EGLN1: variants seen among roughly 807,000 people sequenced by gnomAD.
EGLN1 encodes the protein egl-9 family hypoxia inducible factor 1.
Under a neutral mutation model 38.3 loss-of-function variants are expected in EGLN1, and 17 were observed. The observed-to-expected ratio is 0.44, with a 90% CI of 0.30 to 0.67. The LOEUF is 0.67. Ranked by LOEUF, EGLN1 falls within the 30% of genes least tolerant of loss-of-function variation. EGLN1 has a pLI of 0.08. For missense variants in EGLN1, 477 were observed against 603.3 expected (o/e 0.79, Z 2.19); for synonymous variants, 283 against 257.5 (o/e 1.10, Z -0.95).
chr1:231,374,410 CA>C (rs1687904827), intron 1 of EGLN1, among the ~76,000 whole-genome samples: 3 of 152,162 alleles, frequency 2.0e-5, no homozygotes, highest in Non-Finnish European at 4.4e-5. Flanking sequence ...TGTCCTGCTC[CA>C]TGGGAGATTT....
rs776556262 is a variant in EGLN1, at chr1:231,421,082, A to G, written c.807T>C (p.Ile269=). The change falls in exon 1 of 5, where the codon ATT becomes ATC. Residue 269 remains isoleucine (I), a synonymous_variant. Coordinates refer to ENST00000366641, the MANE Select transcript of EGLN1 (RefSeq NM_022051.3). The surrounding 1 kb of genome is among the most constrained non-coding windows in gnomAD (Gnocchi z 5.5). ...IEGKEPGCET[I]GLLMSSMDDL... is the part of the protein sequence containing the mutation. ...CGTCCATGCTGCTCATGAGCAGCCC[A>G]ATGGTTTCGCAGCCGGGCTCCTTGC... The G allele has an allele frequency of 1.4e-5, 22 of 1,613,958 alleles. No homozygotes were observed. The highest frequency in any genetic ancestry group is 1.7e-5 in the Non-Finnish European group (20 of 1,180,008).
intron 4 of EGLN1, among the ~76,000 whole-genome samples, chr1:231,367,055 G>A (rs1157878174): frequency 2.6e-5 from 4 of 152,204 alleles, no homozygotes; most frequent in Non-Finnish European, 5.9e-5. Flanking sequence ...TTCAGTACAA[G>A]AGTGCTGACC....
chr1:231,407,883 A>G (rs1688836150), intron 1 of EGLN1, among the ~76,000 whole-genome samples: 2 of 152,092 alleles, frequency 1.3e-5, no homozygotes. Flanking sequence ...GTTTACCACA[A>G]CAGGATTAAA....
chr1:231,383,711 A>G (rs1688128543), intron 1 of EGLN1, among the ~76,000 whole-genome samples: 1 of 152,100 alleles, frequency 6.6e-6, no homozygotes, highest in Non-Finnish European at 1.5e-5. Context: ...AAAGGCTCTC[A>G]CTGACTCACT....
chr1:231,376,648 C>T (rs1471958036), intron 1 of EGLN1, among the ~76,000 whole-genome samples: 1 of 151,986 alleles, frequency 6.6e-6, no homozygotes. Context: ...ACTATGAAAT[C>T]TGGTCTAACA....
intron 1 of EGLN1, among the ~76,000 whole-genome samples, chr1:231,388,478 T>C (rs1016820258): frequency 6.6e-6 from 1 of 151,772 alleles, no homozygotes; most frequent in African/African-American, 2.4e-5. Flanking sequence ...TCTGTCTCTG[T>C]CTCGCTCTCT....
chr1:231,421,918 C>CGGCGGCCGAGCAGGAGGGGT lies in EGLN1; in HGVS notation c.-50_-31dup, dbSNP rs1446340980. The CGGCGGCCGAGCAGGAGGGGT allele has an allele frequency of 7.2e-6, 10 of 1,379,392 alleles. No homozygotes were observed. Among genetic ancestry groups the CGGCGGCCGAGCAGGAGGGGT allele is most frequent in the African/African-American group, 1.5e-5 (1 of 65,342 alleles). The allele number at this position is 1,379,392 out of a possible 1,614,324, so 85.4% of individuals were successfully genotyped here. A position where few individuals can be genotyped will look rare whatever the true frequency, so the allele number is the denominator to read the frequency against. On this transcript the variant is annotated 5_prime_UTR_variant, in exon 1 of 5. Coordinates refer to ENST00000366641, the MANE Select transcript of EGLN1 (RefSeq NM_022051.3). The surrounding 1 kb of genome is among the most constrained non-coding windows in gnomAD (Gnocchi z 5.5). The stretch of plus-strand genomic sequence containing the variant: ...GCGGCGGCGGCGGCGACGGCGACTG[C>CGGCGGCCGAGCAGGAGGGGT]GGCGGCCGAGCAGGAGGGGTAGCGG...
intron 1 of EGLN1, among the ~76,000 whole-genome samples, chr1:231,401,112 A>G (rs531380940): frequency 3.3e-5 from 5 of 152,106 alleles, no homozygotes; most frequent in African/African-American, 4.8e-5. Context: ...CAAGTAGGAG[A>G]CCTGAAAATA....
chr1:231,390,811 T>C lies in EGLN1; in HGVS notation c.892-16712A>G, dbSNP rs145499346. ...CTACTTCTAAATGATGGTGAGATCT[T>C]AGACGCTATCATTTGGGCCTGGATT... On this transcript the variant is annotated intron_variant, in intron 1 of 4. Transcript: ENST00000366641. Among the ~76,000 whole-genome samples, 1,112 of 152,220 alleles carry C rather than the reference T, an allele frequency of 7.3e-3. 8 individuals carry two copies. The highest frequency in any genetic ancestry group is 0.011 in the South Asian group (52 of 4,826).
intron 1 of EGLN1, among the ~76,000 whole-genome samples, chr1:231,411,710 G>T (rs1313963729): frequency 6.6e-6 from 1 of 151,976 alleles, no homozygotes; most frequent in Non-Finnish European, 1.5e-5. Context: ...AAAAGTCCTG[G>T]ATAGTAGGCC....
At position 231,366,512 on chromosome 1, in the gene EGLN1, A is replaced by T. The variant is rs750030439; in HGVS notation, c.1217-37T>A. 7 of 1,592,400 alleles carry T rather than the reference A, an allele frequency of 4.4e-6. No individual in the cohort carries two copies. In the South Asian group the frequency reaches 7.7e-5, roughly 18 times the overall value. ...AAAAAAAAAAAATTTTCATTCATTC[A>T]CTAAGCACCAGAGAGCTTCTGCTAC... On this transcript the variant is annotated intron_variant, in intron 4 of 4. Transcript: ENST00000366641.
At chr1:231,417,322 G>A (rs564265654) in intron 1 of EGLN1, among the ~76,000 whole-genome samples, 51 of 151,968 alleles carry the variant, frequency 3.4e-4, no homozygotes, top group Non-Finnish European at 5.7e-4. Context: ...ATGTTTTAAC[G>A]GAACAGATGA....
chr1:231,403,245 A>G (rs1688706126), intron 1 of EGLN1, among the ~76,000 whole-genome samples: 1 of 152,186 alleles, frequency 6.6e-6, no homozygotes, highest in Non-Finnish European at 1.5e-5. Context: ...ACAGATGTCA[A>G]TCAGGTCAAA....
chr1:231,386,219 T>C (rs908596038), intron 1 of EGLN1, among the ~76,000 whole-genome samples: 1 of 152,176 alleles, frequency 6.6e-6, no homozygotes, highest in Non-Finnish European at 1.5e-5. Context: ...AAGTCACAAC[T>C]TTCATCAGAG....
intron 1 of EGLN1, among the ~76,000 whole-genome samples, chr1:231,378,960 TC>T (rs1490524170): frequency 6.6e-6 from 1 of 152,172 alleles, no homozygotes; most frequent in Non-Finnish European, 1.5e-5. Flanking sequence ...CATTTACTAA[TC>T]ACTTATAGGC....
At chr1:231,393,648 C>A (rs1330725311) in intron 1 of EGLN1, among the ~76,000 whole-genome samples, 1 of 152,162 alleles carries the variant, frequency 6.6e-6, no homozygotes, top group Non-Finnish European at 1.5e-5. Flanking sequence ...CTCTTATATT[C>A]CATGTCCCTG....
Position 231,392,016 on chromosome 1 carries a change from G to A in EGLN1, c.892-17917C>T, listed in dbSNP as rs191359539. Among the ~76,000 whole-genome samples the A allele has an allele frequency of 1.2e-4, 19 of 152,296 alleles. No individual in the cohort carries two copies. In the South Asian group the frequency reaches 2.9e-3, roughly 23 times the overall value. On this transcript the variant is annotated intron_variant, in intron 1 of 4. Transcript: ENST00000366641. ...AAAATATAAAGCACAGGCTGGGCGC[G>A]GTGGCTCACGCCTGTAATCCCAGCG...
At chr1:231,377,770 T>C (rs992244650) in intron 1 of EGLN1, among the ~76,000 whole-genome samples, 14 of 152,236 alleles carry the variant, frequency 9.2e-5, no homozygotes, top group African/African-American at 3.1e-4. Flanking sequence ...AGGGGACTAA[T>C]TGGGAATGAA....
intron 1 of EGLN1, among the ~76,000 whole-genome samples, chr1:231,377,135 T>C (rs1687981222): frequency 6.6e-6 from 1 of 152,232 alleles, no homozygotes; most frequent in Admixed American, 6.5e-5. Flanking sequence ...CTAACATTTA[T>C]GGGACATTTA....
Sources: allele counts gnomAD v4.1 joint callset (sites outside exome capture counted in the v4.1 genomes callset), GRCh38; gene constraint gnomAD v4.1.1; non-coding constraint Gnocchi (gnomAD v3.1); transcripts MANE v1.5; gene names NCBI Gene and HGNC (gene_info 2026-07-23, HGNC 2026-07-21).